Variants in EYA2 observed in about 807,000 individuals in gnomAD.
EYA2 encodes the protein EYA transcriptional coactivator and phosphatase 2.
EYA2 carries 31 observed loss-of-function variants against 69.2 expected under a neutral mutation model. The observed-to-expected ratio is 0.45, with a 90% CI of 0.34 to 0.60. EYA2 has a LOEUF of 0.60. EYA2 is among the 20% of genes least tolerant of loss of function. EYA2 has a pLI of 0.02. For synonymous variants in EYA2, 257 were observed against 279.4 expected (o/e 0.92, Z 0.80); for missense variants, 622 against 701.2 (o/e 0.89, Z 1.28).
At chr20:47,013,386 T>A (rs1037876233) in intron 4 of EYA2, among the ~76,000 whole-genome samples, 2 of 152,216 alleles carry the variant, frequency 1.3e-5, no homozygotes, top group African/African-American at 4.8e-5. Flanking sequence ...ATGCAAAGGC[T>A]TTGAGTCCAA....
At chr20:46,942,095 C>T (rs1476198767) in intron 1 of EYA2, among the ~76,000 whole-genome samples, 4 of 152,314 alleles carry the variant, frequency 2.6e-5, no homozygotes, top group Non-Finnish European at 4.4e-5. Flanking sequence ...TGCTTGGCAA[C>T]GAATGTTACT....
rs186449594 is a variant in EYA2, at chr20:47,038,644, T to C, written c.415+22347T>C. Among the ~76,000 whole-genome samples the C allele has an allele frequency of 4.5e-3, 687 of 152,312 alleles. 2 individuals are homozygous for C. Among genetic ancestry groups the C allele is most frequent in the Non-Finnish European group, 6.2e-3 (419 of 68,032 alleles). On this transcript the variant is annotated intron_variant, in intron 5 of 15. Transcript: ENST00000327619. ...TCATTGTGATATAAAATTTACCATCTTAACCATTTTTAATTATACAGTAAG... is the reference window on the plus strand; with the variant it reads ...TCATTGTGATATAAAATTTACCATCCTAACCATTTTTAATTATACAGTAAG...
intron 9 of EYA2, among the ~76,000 whole-genome samples, chr20:47,127,449 C>T (rs1160004243): frequency 6.6e-6 from 1 of 152,114 alleles, no homozygotes; most frequent in Non-Finnish European, 1.5e-5. Context: ...ACTAAAAATA[C>T]CAAAATTAGC....
At chr20:47,056,510 CATGTACTCG>C (rs1277003749) in intron 5 of EYA2, among the ~76,000 whole-genome samples, 6 of 152,158 alleles carry the variant, frequency 3.9e-5, no homozygotes, top group African/African-American at 1.2e-4. Context: ...GTTTGTTGAA[CATGTACTCG>C]ATGCTGGGCT....
At position 47,003,433 on chromosome 20, in the gene EYA2, G is replaced by C. The variant is rs548595635; in HGVS notation, c.156-1509G>C. Among the ~76,000 whole-genome samples the C allele has an allele frequency of 3.9e-5, 6 of 152,302 alleles. No individual in the cohort carries two copies. In the South Asian group the frequency reaches 1.0e-3, roughly 26 times the overall value. Reference sequence around the variant, plus strand: ...CATTGTTGCAGACAGGATGTGATTCGGTCTCAAGAGGTGGCTGCTGCTCAA... The same window carrying C: ...CATTGTTGCAGACAGGATGTGATTCCGTCTCAAGAGGTGGCTGCTGCTCAA... On this transcript the variant is annotated intron_variant, in intron 3 of 15. Coordinates refer to ENST00000327619, the MANE Select transcript of EYA2 (RefSeq NM_005244.5).
chr20:46,932,485 C>T (rs1167311960), intron 1 of EYA2, among the ~76,000 whole-genome samples: 25 of 152,098 alleles, frequency 1.6e-4, no homozygotes, highest in Admixed American at 1.6e-3. Context: ...TTCCCATGTG[C>T]CAAGGGAGGG....
chr20:46,989,083 G>A (rs948600251), intron 1 of EYA2, among the ~76,000 whole-genome samples: 3 of 152,024 alleles, frequency 2.0e-5, no homozygotes, highest in Non-Finnish European at 2.9e-5. Context: ...AAGACCAAAG[G>A]AGACCTCATC....
intron 1 of EYA2, among the ~76,000 whole-genome samples, chr20:46,930,937 G>A (rs937303474): frequency 3.3e-5 from 5 of 152,154 alleles, no homozygotes; most frequent in Non-Finnish European, 7.4e-5. Context: ...CTCAGCTTCA[G>A]CCCTGCTGAT....
chr20:46,991,298 C>T (rs1438319183), intron 2 of EYA2, among the ~76,000 whole-genome samples: 8 of 152,214 alleles, frequency 5.3e-5, no homozygotes. Flanking sequence ...GAATCCCAGC[C>T]CACTGCTTCT....
intron 1 of EYA2, among the ~76,000 whole-genome samples, chr20:46,976,389 G>GGTTTTGTTTGTTTATTT (rs3092080): frequency 6.6e-6 from 1 of 151,254 alleles, no homozygotes; most frequent in Non-Finnish European, 1.5e-5. Flanking sequence ...AGAGTTTTTG[G>GGTTTTGTTTGTTTATTT]GTTTTGTTTT....
At chr20:47,161,347 A>G (rs1346870935) in intron 10 of EYA2, 7 of 469,288 alleles carry the variant, frequency 1.5e-5, no homozygotes, top group Non-Finnish European at 2.8e-5. Flanking sequence ...ATGACAATAA[A>G]TCCCTTGAGC....
rs570727951 is a variant in EYA2 at position 46,915,328 on chromosome 20, C to T, written c.-11+20341C>T. ...AGAGAAACATTTCTCGTTGAATTCC[C>T]AGTTTTTGAAACGGTGTCAAATTAT... On this transcript the variant is annotated intron_variant, in intron 1 of 15. Transcript: ENST00000327619. 1.1e-4 allele frequency among the ~76,000 whole-genome samples: 16 copies of T among 152,332 alleles called. No homozygotes were observed. In the South Asian group the frequency reaches 3.1e-3, roughly 30 times the overall value.
intron 2 of EYA2, 65 bp from the exon 3 acceptor site, chr20:47,001,363 C>A: frequency 6.9e-7 from 1 of 1,446,926 alleles, no homozygotes; most frequent in South Asian, 1.1e-5. Flanking sequence ...TGTCTGAAGT[C>A]ACCACCTCTG....
chr20:46,936,713 G>A (rs551887711), intron 1 of EYA2, among the ~76,000 whole-genome samples: 158 of 152,256 alleles, frequency 1.0e-3, no homozygotes, highest in Admixed American at 2.4e-3. Flanking sequence ...GGAGAAGGAG[G>A]CTGGCTCCCC....
intron 1 of EYA2, among the ~76,000 whole-genome samples, chr20:46,986,299 G>T (rs1401241808): frequency 7.9e-6 from 1 of 125,920 alleles, no homozygotes; most frequent in Non-Finnish European, 1.8e-5. Flanking sequence ...TATATCTAAT[G>T]TATATATTAT....
At chr20:47,107,712 GGAA>G (rs368721999) in intron 9 of EYA2, among the ~76,000 whole-genome samples, 41 of 141,374 alleles carry the variant, frequency 2.9e-4, no homozygotes, top group South Asian at 1.1e-3. Flanking sequence ...AAGAGAAGAA[GGAA>G]GAAGAAGAAG....
At chr20:47,076,502 C>T (rs766620400) in intron 7 of EYA2, among the ~76,000 whole-genome samples, 3 of 152,114 alleles carry the variant, frequency 2.0e-5, no homozygotes, top group Non-Finnish European at 4.4e-5. Flanking sequence ...TGTATGTCTT[C>T]TTTTGAGAAG....
intron 5 of EYA2, among the ~76,000 whole-genome samples, chr20:47,026,213 T>G (rs1433324436): frequency 3.3e-5 from 5 of 152,230 alleles, no homozygotes; most frequent in African/African-American, 1.2e-4. Context: ...TGAATGGCAT[T>G]GGAACAGCTA....
chr20:47,135,220 T>TA (rs1230607416), intron 9 of EYA2, among the ~76,000 whole-genome samples: 2 of 152,006 alleles, frequency 1.3e-5, no homozygotes, highest in East Asian at 1.9e-4. Context: ...GTCTTTTTTT[T>TA]AATGCTGTTC....
Sources: gnomAD v4.1 joint callset for allele counts (sites outside exome capture counted in the v4.1 genomes callset) on GRCh38, gnomAD v4.1.1 for gene constraint, MANE v1.5 for transcripts, NCBI Gene and HGNC (gene_info 2026-07-23, HGNC 2026-07-21) for gene names.